Variants in SRPK2 observed in about 807,000 individuals in gnomAD.
SRPK2 encodes the protein SFRS protein kinase 2.
SRPK2 carries 21 observed loss-of-function variants against 90.8 expected under a neutral mutation model. The ratio of observed to expected loss-of-function variants is 0.23; its 90% CI spans 0.16 to 0.33. The LOEUF is 0.33. Among genes scored for constraint, SRPK2 ranks in the 10% least tolerant of loss-of-function variants. The pLI is 1.00. For synonymous variants in SRPK2, 288 were observed against 311.1 expected, an observed-to-expected ratio of 0.93 and a Z score of 0.78; for missense variants, 620 against 869.0, an observed-to-expected ratio of 0.71 and a Z score of 3.60.
intron 2 of SRPK2, among the ~76,000 whole-genome samples, chr7:105,325,317 C>G (rs79859854): frequency 6.6e-6 from 1 of 151,954 alleles, no homozygotes; most frequent in African/African-American, 2.4e-5. Context: ...GTGTCACAAG[C>G]GATTATTACA....
At chr7:105,245,980 A>C (rs1801607336) in intron 2 of SRPK2, among the ~76,000 whole-genome samples, 1 of 152,196 alleles carries the variant, frequency 6.6e-6, no homozygotes, top group South Asian at 2.1e-4. Flanking sequence ...AGACCCTGGC[A>C]ATTAACAACT....
At chr7:105,316,686 G>C (rs986423931) in intron 2 of SRPK2, among the ~76,000 whole-genome samples, 3 of 152,272 alleles carry the variant, frequency 2.0e-5, no homozygotes, top group African/African-American at 7.2e-5. Flanking sequence ...ACTAATGCAA[G>C]GACACAAGAG....
At chr7:105,293,512 G>A (rs1014596679) in intron 2 of SRPK2, among the ~76,000 whole-genome samples, 6 of 141,202 alleles carry the variant, frequency 4.2e-5, no homozygotes, top group African/African-American at 1.0e-4. Context: ...ACCCCGCCCC[G>A]GGTTTCAAGT....
At chr7:105,123,897 C>G (rs1800756310) in intron 15 of SRPK2, among the ~76,000 whole-genome samples, 1 of 152,170 alleles carries the variant, frequency 6.6e-6, no homozygotes, top group Non-Finnish European at 1.5e-5. Flanking sequence ...ACAGGAACAC[C>G]AAGTGAAAAT....
At chr7:105,240,557 G>C (rs1800673291) in intron 2 of SRPK2, among the ~76,000 whole-genome samples, 1 of 151,748 alleles carries the variant, frequency 6.6e-6, no homozygotes, top group African/African-American at 2.4e-5. Flanking sequence ...ACCCTTCCTG[G>C]ACAGAAATTA....
In SRPK2 at chr7:105,142,042, C is replaced by CCAGA; in HGVS notation, c.1508_1509insTCTG (p.Val504LeufsTer19). The CCAGA allele has an allele frequency of 6.2e-7, 1 of 1,613,464 alleles. No individual in the cohort carries two copies. Among genetic ancestry groups the CCAGA allele is most frequent in the Non-Finnish European group, 8.5e-7 (1 of 1,179,684 alleles). On this transcript the variant is annotated frameshift_variant, in exon 11 of 16. Transcript: ENST00000393651. LOFTEE classifies it high-confidence loss of function. ...AATCCCCAGTACTGGAGGCTGAAACCGTTCTGCTTCTGTCATGGGATGGAC... is the reference window on the plus strand; with the variant it reads ...AATCCCCAGTACTGGAGGCTGAAACCCAGAGTTCTGCTTCTGTCATGGGATGGAC...
At chr7:105,259,496 C>T (rs1194169247) in intron 2 of SRPK2, among the ~76,000 whole-genome samples, 70 of 152,194 alleles carry the variant, frequency 4.6e-4, no homozygotes, top group Non-Finnish European at 1.3e-4. Flanking sequence ...CCCCATCAAG[C>T]TACCAATGAC....
Position 105,138,224 on chromosome 7 carries a change from T to C in SRPK2, c.1543+3784A>G, listed in dbSNP as rs139876942. The stretch of plus-strand genomic sequence containing the variant: ...TTCGTTATTCAATAAATATTTATCT[T>C]AGCACTGAATCAGATGCTGAGGATG... On this transcript the variant is annotated intron_variant, in intron 11 of 15. Coordinates refer to ENST00000393651, the MANE Select transcript of SRPK2 (RefSeq NM_182692.3). Among the ~76,000 whole-genome samples the C allele has an allele frequency of 2.4e-3, 358 of 152,328 alleles. 1 individual carries two copies. The highest frequency in any genetic ancestry group is 8.3e-3 in the African/African-American group (345 of 41,564).
intron 3 of SRPK2, among the ~76,000 whole-genome samples, chr7:105,196,349 G>C (rs1263291677): frequency 6.6e-6 from 1 of 152,104 alleles, no homozygotes; most frequent in Non-Finnish European, 1.5e-5. Context: ...CTATCAAAAG[G>C]AACAGAAAGT....
At chr7:105,327,342 G>T (rs922543083) in intron 2 of SRPK2, among the ~76,000 whole-genome samples, 2 of 152,182 alleles carry the variant, frequency 1.3e-5, no homozygotes, top group African/African-American at 4.8e-5. Flanking sequence ...TTTATCTATG[G>T]TCCATGGCTG....
Position 105,312,047 on chromosome 7 carries a change from A to G in SRPK2, c.71+76601T>C, listed in dbSNP as rs143481550. On this transcript the variant is annotated intron_variant, in intron 2 of 15. Transcript: ENST00000393651. ...AAGCAAGTGAACTTTGACAAATGCT[A>G]CAACATGGATGGACACTGAGGACAA... Among the ~76,000 whole-genome samples, 347 of 152,344 alleles carry G rather than the reference A, an allele frequency of 2.3e-3. 1 individual carries two copies. Among genetic ancestry groups the G allele is most frequent in the African/African-American group, 8.0e-3 (334 of 41,576 alleles).
At chr7:105,363,329 A>C (rs775424415) in intron 2 of SRPK2, among the ~76,000 whole-genome samples, 13 of 152,316 alleles carry the variant, frequency 8.5e-5, no homozygotes, top group Non-Finnish European at 1.9e-4. Flanking sequence ...ACAAATTTAC[A>C]AGAAAAAATC....
At chr7:105,237,577 A>G (rs1054637123) in intron 2 of SRPK2, among the ~76,000 whole-genome samples, 3 of 152,192 alleles carry the variant, frequency 2.0e-5, no homozygotes, top group African/African-American at 7.2e-5. Flanking sequence ...TTAAATCTCA[A>G]ATTCAACTTC....
At chr7:105,137,557 T>C (rs914168549) in intron 11 of SRPK2, among the ~76,000 whole-genome samples, 2 of 152,028 alleles carry the variant, frequency 1.3e-5, no homozygotes, top group African/African-American at 2.4e-5. Flanking sequence ...ATTCCAGAAA[T>C]AGCCCACAGG....
intron 3 of SRPK2, among the ~76,000 whole-genome samples, chr7:105,194,158 T>A (rs1173464109): frequency 6.6e-6 from 1 of 152,180 alleles, no homozygotes; most frequent in Non-Finnish European, 1.5e-5. Context: ...AATAAATCCT[T>A]CCCTACTCCC....
intron 2 of SRPK2, among the ~76,000 whole-genome samples, chr7:105,261,022 T>TAAAAAAAA (rs72277307): frequency 6.0e-5 from 7 of 116,034 alleles, no homozygotes; most frequent in African/African-American, 1.3e-4. Flanking sequence ...CCCTAGAAAT[T>TAAAAAAAA]AAAAAAAAAA....
At chr7:105,247,735 T>A (rs143330005) in intron 2 of SRPK2, among the ~76,000 whole-genome samples, 2 of 152,070 alleles carry the variant, frequency 1.3e-5, no homozygotes, top group African/African-American at 2.4e-5. Context: ...AAAAGTTTTT[T>A]ATTTTTATAG....
chr7:105,316,390 C>A (rs1411597901), intron 2 of SRPK2, among the ~76,000 whole-genome samples: 7 of 152,288 alleles, frequency 4.6e-5, no homozygotes, highest in African/African-American at 1.7e-4. Context: ...AAGACACTCT[C>A]AAGGCCGCTT....
Position 105,145,270 on chromosome 7 carries a change from C to A in SRPK2, c.813+13G>T, listed in dbSNP as rs368217126. On this transcript the variant is annotated intron_variant, in intron 9 of 15. Coordinates refer to ENST00000393651, the MANE Select transcript of SRPK2 (RefSeq NM_182692.3). ...AACATGGTGCATATAAAGTAATATG[C>A]GTAAGTACTTACAGGTTTCTGCTGT... 20 of 1,584,064 alleles carry A rather than the reference C, an allele frequency of 1.3e-5. No individual in the cohort carries two copies. In the South Asian group the frequency reaches 1.9e-4, roughly 15 times the overall value.
Sources: gnomAD v4.1 joint callset for allele counts (sites outside exome capture counted in the v4.1 genomes callset) on GRCh38, gnomAD v4.1.1 for gene constraint, MANE v1.5 for transcripts, NCBI Gene and HGNC (gene_info 2026-07-23, HGNC 2026-07-21) for gene names.